The following PPP3CA variants were observed in gnomAD, a reference collection of about 807,000 sequenced individuals.
PPP3CA encodes CAM-PRP catalytic subunit.
In PPP3CA, 14 loss-of-function variants were observed where a neutral mutation model predicts 66.5. That is an observed-to-expected ratio of 0.21 (90% confidence interval 0.14 to 0.33). The LOEUF (loss-of-function observed/expected upper bound fraction) is 0.33, where lower values mean the gene tolerates loss of function less well. Ranked by LOEUF, PPP3CA falls within the 10% of genes least tolerant of loss-of-function variation. The probability of loss-of-function intolerance (pLI) is 1.00; values close to 1 mark genes in which losing one functional copy is unlikely to be tolerated. For synonymous variants in PPP3CA, 232 were observed against 226.2 expected, an observed-to-expected ratio of 1.03 and a Z score of -0.23; for missense variants, 317 against 639.5, an observed-to-expected ratio of 0.50 and a Z score of 5.44.
chr4:101,102,254 A>AAGGAAGGAAGGAAGGGAGGG (rs1455872299), intron 3 of PPP3CA, among the ~76,000 whole-genome samples: 2 of 148,002 alleles, frequency 1.4e-5, no homozygotes, highest in African/African-American at 4.9e-5. Flanking sequence ...CAGAGAAAGG[A>AAGGAAGGAAGGAAGGGAGGG]AGGAAGGAAG....
chr4:101,226,134 G>T (rs1414040606), intron 1 of PPP3CA, among the ~76,000 whole-genome samples: 1 of 151,634 alleles, frequency 6.6e-6, no homozygotes, highest in East Asian at 1.9e-4. Context: ...TAACACTAGT[G>T]AACAGATCTG....
At chr4:101,093,210 A>T (rs765226942) in intron 6 of PPP3CA, among the ~76,000 whole-genome samples, 1 of 152,110 alleles carries the variant, frequency 6.6e-6, no homozygotes, top group Non-Finnish European at 1.5e-5. Flanking sequence ...ACCAGTGATG[A>T]TGAGCATTTT....
rs187914935 is a variant in PPP3CA at position 101,173,878 on chromosome 4, T to C, written c.259+22038A>G. 1.2e-4 allele frequency among the ~76,000 whole-genome samples: 19 copies of C among 152,048 alleles called. 1 individual carries two copies. The East Asian group carries it at 3.3e-3, about 26-fold the overall frequency. On this transcript the variant is annotated intron_variant, in intron 2 of 13. Transcript: ENST00000394854. ...CCAGTCTAGGCAGCAGAGCAAGACC[T>C]TGTCTCAACAAAAAAATTTAAAAAT...
chr4:101,042,497 T>C (rs1727569095), intron 10 of PPP3CA, among the ~76,000 whole-genome samples: 1 of 152,154 alleles, frequency 6.6e-6, no homozygotes, highest in African/African-American at 2.4e-5. Context: ...TAAGTGTCTA[T>C]CCATGTGGGA....
intron 1 of PPP3CA, among the ~76,000 whole-genome samples, chr4:101,296,337 A>G (rs545810698): frequency 1.3e-5 from 2 of 152,238 alleles, no homozygotes; most frequent in South Asian, 2.1e-4. Context: ...AAAACTAAAT[A>G]TAAGTATTTT....
intron 1 of PPP3CA, among the ~76,000 whole-genome samples, chr4:101,229,028 C>CT (rs1332806124): frequency 1.3e-5 from 2 of 151,590 alleles, no homozygotes; most frequent in Non-Finnish European, 3.0e-5. Context: ...TAAGCTGTTT[C>CT]TACAGTATTA....
chr4:101,058,572 A>G (rs1728324476), intron 10 of PPP3CA, among the ~76,000 whole-genome samples: 1 of 152,172 alleles, frequency 6.6e-6, no homozygotes, highest in Non-Finnish European at 1.5e-5. Context: ...TCTTCCAAGG[A>G]CCTTAAGACA....
In PPP3CA at chr4:101,176,383, G is replaced by C. The variant is rs963864581; in HGVS notation, c.259+19533C>G. ...GTCATCACCTTCTCCATTGTTATTC[G>C]GAAGGAAATAGATGACAAACAAAGA... is the stretch of plus-strand genomic sequence containing the variant. On this transcript the variant is annotated intron_variant, in intron 2 of 13. Coordinates refer to ENST00000394854, the MANE Select transcript of PPP3CA (RefSeq NM_000944.5). Among the ~76,000 whole-genome samples the C allele has an allele frequency of 5.3e-5, 8 of 152,086 alleles. No individual in the cohort carries two copies. In the East Asian group the frequency reaches 1.5e-3, roughly 29 times the overall value.
chr4:101,295,307 CAAAAAAAAAAAAA>C (rs527366396), intron 1 of PPP3CA, among the ~76,000 whole-genome samples: 4 of 42,042 alleles, frequency 9.5e-5, no homozygotes, highest in East Asian at 6.7e-4. Context: ...GACTCCGTCT[CAAAAAAAAAAAAA>C]AAAAAAAAAA....
In PPP3CA at chr4:101,061,170, A is replaced by T. The variant is rs532403253; in HGVS notation, c.1082-9T>A. On this transcript the variant is annotated splice_polypyrimidine_tract_variant and intron_variant, in intron 9 of 13. Transcript: ENST00000394854. ...TACCAGCATCTCAGTCACTAAAGAGAGAAAGCAAAGAAAGAAAAGTCAGGG... is the reference window on the plus strand; with the variant it reads ...TACCAGCATCTCAGTCACTAAAGAGTGAAAGCAAAGAAAGAAAAGTCAGGG... The T allele has an allele frequency of 8.1e-6, 13 of 1,608,318 alleles. No homozygotes were observed. The South Asian group carries it at 1.4e-4, about 18-fold the overall frequency.
intron 1 of PPP3CA, among the ~76,000 whole-genome samples, chr4:101,329,097 AG>A (rs1246328227): frequency 6.6e-6 from 1 of 152,232 alleles, no homozygotes; most frequent in African/African-American, 2.4e-5. Flanking sequence ...AAGTGGAGAC[AG>A]GCCCAAAGCT....
At chr4:101,316,355 G>A (rs1728884382) in intron 1 of PPP3CA, among the ~76,000 whole-genome samples, 1 of 149,374 alleles carries the variant, frequency 6.7e-6, no homozygotes, top group African/African-American at 2.6e-5. Flanking sequence ...ATTTCTTAGG[G>A]AGGCTATAAT....
chr4:101,139,696 G>GTTTTTTTTTTTTTTTTTTTTTTT (rs372257350), intron 2 of PPP3CA, among the ~76,000 whole-genome samples: 1 of 98,406 alleles, frequency 1.0e-5, no homozygotes, highest in African/African-American at 4.0e-5. Context: ...TTTTTTTTGT[G>GTTTTTTTTTTTTTTTTTTTTTTT]TTTTTTTTTT....
chr4:101,086,675 C>A (rs1356710910), intron 6 of PPP3CA, among the ~76,000 whole-genome samples: 1 of 152,146 alleles, frequency 6.6e-6, no homozygotes, highest in Non-Finnish European at 1.5e-5. Context: ...GGCTATCTCA[C>A]CTAAGGTGTA....
intron 1 of PPP3CA, among the ~76,000 whole-genome samples, chr4:101,257,762 C>A (rs1726890902): frequency 6.6e-6 from 1 of 152,048 alleles, no homozygotes; most frequent in African/African-American, 2.4e-5. Context: ...TTTAGCCCAA[C>A]AACATTAGTT....
chr4:101,248,985 C>T (rs954550745), intron 1 of PPP3CA, among the ~76,000 whole-genome samples: 2 of 151,194 alleles, frequency 1.3e-5, no homozygotes, highest in African/African-American at 4.9e-5. Context: ...AAGGTGAAAC[C>T]CCGTCTCTAC....
chr4:101,154,193 G>A lies in PPP3CA; in HGVS notation c.259+41723C>T, dbSNP rs569523645. ...TCCACTCTAAATTACTTCTTGGCCA[G>A]AATGCTTCAAAAACTGTGAATGGTC... On this transcript the variant is annotated intron_variant, in intron 2 of 13. Transcript: ENST00000394854. Among the ~76,000 whole-genome samples the A allele has an allele frequency of 2.2e-4, 33 of 152,238 alleles. No homozygotes were observed. In the East Asian group the frequency reaches 5.6e-3, roughly 26 times the overall value.
intron 9 of PPP3CA, 144 bp from the exon 10 acceptor site, chr4:101,061,305 C>G: frequency 4.5e-6 from 3 of 666,118 alleles, no homozygotes; most frequent in Non-Finnish European, 7.9e-6. Flanking sequence ...ACATCCAGAT[C>G]ATAAAAGACA....
chr4:101,196,242 A>C (rs1023727239), intron 1 of PPP3CA, 126 bp from the exon 2 acceptor site: 7 of 853,466 alleles, frequency 8.2e-6, no homozygotes, highest in African/African-American at 1.7e-5. Flanking sequence ...TGGCTGAATT[A>C]AAATATGATC....
Sources: gnomAD v4.1 joint callset for allele counts (sites outside exome capture counted in the v4.1 genomes callset) on GRCh38, gnomAD v4.1.1 for gene constraint, MANE v1.5 for transcripts, NCBI Gene and HGNC (gene_info 2026-07-23, HGNC 2026-07-21) for gene names.